The following PRKN variants were observed in gnomAD, a reference collection of about 807,000 sequenced individuals.
PRKN encodes parkin RBR E3 ubiquitin protein ligase, also known as E3 ubiquitin-protein ligase parkin.
Under a neutral mutation model 59.5 loss-of-function variants are expected in PRKN, and 56 were observed. That is an observed-to-expected ratio of 0.94 (90% CI 0.76 to 1.18). The LOEUF is 1.18. Among genes scored for constraint, PRKN ranks in the 50% most tolerant of loss-of-function variants. PRKN has a pLI of 0.00. For synonymous variants in PRKN, 250 were observed against 222.1 expected, an observed-to-expected ratio of 1.13 and a Z score of -1.12; for missense variants, 657 against 596.4, an observed-to-expected ratio of 1.10 and a Z score of -1.06.
At chr6:161,912,856 A>T (rs1278644886) in intron 6 of PRKN, among the ~76,000 whole-genome samples, 6 of 152,138 alleles carry the variant, frequency 3.9e-5, no homozygotes, top group African/African-American at 1.2e-4. Context: ...TCAGAATTTT[A>T]AAAAGTAATA....
chr6:161,382,111 C>CAAA lies in PRKN; in HGVS notation c.1167+4680_1167+4682dup, dbSNP rs59174358. Among the ~76,000 whole-genome samples the CAAA allele has an allele frequency of 1.1e-3, 53 of 46,242 alleles. 1 individual carries two copies. The highest frequency in any genetic ancestry group is 3.3e-3 in the African/African-American group (48 of 14,654). 30.3% of individuals were successfully genotyped at this position (46,242 alleles called of 152,430 possible). On this transcript the variant is annotated intron_variant, in intron 10 of 11. Transcript: ENST00000366898. ...TGGGTGAAAGAGCGAGACTCCATCT[C>CAAA]AAAAAAAAAAAAAAAAAAAAAATCA...
chr6:161,610,674 A>G (rs946348218), intron 7 of PRKN, among the ~76,000 whole-genome samples: 1 of 151,984 alleles, frequency 6.6e-6, no homozygotes, highest in Non-Finnish European at 1.5e-5. Context: ...AGGAGCAAAT[A>G]AACCAGGGAG....
At chr6:162,641,501 A>C (rs1375023014) in intron 1 of PRKN, among the ~76,000 whole-genome samples, 1 of 152,050 alleles carries the variant, frequency 6.6e-6, no homozygotes, top group African/African-American at 2.4e-5. Flanking sequence ...AAACAGAAGA[A>C]GGCACACAAG....
chr6:161,660,049 A>G (rs969199805), intron 7 of PRKN, among the ~76,000 whole-genome samples: 5 of 152,202 alleles, frequency 3.3e-5, no homozygotes, highest in African/African-American at 1.2e-4. Flanking sequence ...TAAGGTCTCA[A>G]AAAGCATTGT....
chr6:162,218,778 AT>A (rs1223567256), intron 3 of PRKN, among the ~76,000 whole-genome samples: 1 of 152,114 alleles, frequency 6.6e-6, no homozygotes, highest in Non-Finnish European at 1.5e-5. Context: ...GGGGTGGTAG[AT>A]AATGCACATG....
intron 7 of PRKN, among the ~76,000 whole-genome samples, chr6:161,665,850 C>T (rs1184827607): frequency 6.6e-6 from 1 of 152,168 alleles, no homozygotes; most frequent in Non-Finnish European, 1.5e-5. Context: ...TCAGCAGCCC[C>T]AAGGCATCCT....
intron 6 of PRKN, among the ~76,000 whole-genome samples, chr6:161,966,287 G>A (rs1282077231): frequency 6.6e-6 from 1 of 151,832 alleles, no homozygotes; most frequent in Non-Finnish European, 1.5e-5. Context: ...TCAGAGTTTA[G>A]TCCTCAATAT....
At chr6:162,412,000 T>C (rs975969738) in intron 2 of PRKN, among the ~76,000 whole-genome samples, 1 of 151,150 alleles carries the variant, frequency 6.6e-6, no homozygotes. Context: ...CCATAGTATT[T>C]CTTTGGTCAC....
rs180988693 is a variant in PRKN, at chr6:161,359,702, G to A, written c.1285+386C>T. 7.2e-5 allele frequency among the ~76,000 whole-genome samples: 11 copies of A among 152,232 alleles called. No individual in the cohort carries two copies. The highest frequency in any genetic ancestry group is 1.3e-4 in the Admixed American group (2 of 15,286). On this transcript the variant is annotated intron_variant, in intron 11 of 11. Coordinates refer to ENST00000366898, the MANE Select transcript of PRKN (RefSeq NM_004562.3). This position sits in a 1 kb window ranked among gnomAD's most constrained non-coding sequence, Gnocchi z 5.4. ...AAGCTGGGGAAGGCTACAGACTGAC[G>A]GCCGGCAGACAACAGGGTCATACGG...
chr6:161,519,338 T>G (rs972583688), intron 9 of PRKN, among the ~76,000 whole-genome samples: 1 of 152,168 alleles, frequency 6.6e-6, no homozygotes, highest in African/African-American at 2.4e-5. Context: ...TTGCTCTGAA[T>G]GAGGAGACAG....
chr6:161,774,768 G>C (rs957189676), intron 7 of PRKN, among the ~76,000 whole-genome samples: 12 of 152,204 alleles, frequency 7.9e-5, no homozygotes, highest in African/African-American at 2.9e-4. Flanking sequence ...GCTTTGGTTA[G>C]AGAAGTTAGA....
chr6:162,283,127 A>C (rs1405567594), intron 2 of PRKN, among the ~76,000 whole-genome samples: 5 of 151,892 alleles, frequency 3.3e-5, no homozygotes, highest in African/African-American at 9.7e-5. Context: ...GTTAGTTGTA[A>C]CTTCTTTCTG....
At position 161,498,997 on chromosome 6, in the gene PRKN, T is replaced by C. The variant is rs1777855882; in HGVS notation, c.1083+49857A>G. On this transcript the variant is annotated intron_variant, in intron 9 of 11. Coordinates refer to ENST00000366898, the MANE Select transcript of PRKN (RefSeq NM_004562.3). This position sits in a 1 kb window ranked among gnomAD's most constrained non-coding sequence, Gnocchi z 4.2. ...TCTTCTACTGAAGCCCCCGATGCTT[T>C]GCAACCTCCGCACATTTCTCAGAAC... Among the ~76,000 whole-genome samples the C allele has an allele frequency of 6.6e-6, 1 of 152,172 alleles. No homozygotes were observed. The highest frequency in any genetic ancestry group is 1.9e-4 in the East Asian group (1 of 5,184).
At chr6:162,201,398 G>T in intron 3 of PRKN, 146 bp from the exon 4 acceptor site, 1 of 734,930 alleles carries the variant, frequency 1.4e-6, no homozygotes, top group Non-Finnish European at 2.4e-6. Flanking sequence ...ATTCCAATGG[G>T]AATACAACAA....
intron 2 of PRKN, among the ~76,000 whole-genome samples, chr6:162,441,796 A>T (rs929357990): frequency 6.6e-6 from 1 of 152,208 alleles, no homozygotes; most frequent in Non-Finnish European, 1.5e-5. Context: ...TATGTTTGCA[A>T]AGTCAATCAT....
At chr6:161,784,668 C>A (rs540622682) in intron 7 of PRKN, among the ~76,000 whole-genome samples, 1 of 152,164 alleles carries the variant, frequency 6.6e-6, no homozygotes, top group Admixed American at 6.5e-5. Context: ...CATTGCTACA[C>A]TGCTGGTGGC....
intron 2 of PRKN, among the ~76,000 whole-genome samples, chr6:162,287,960 T>C (rs1317189368): frequency 6.6e-6 from 1 of 152,142 alleles, no homozygotes; most frequent in Non-Finnish European, 1.5e-5. Flanking sequence ...TGGGGTGGGC[T>C]TGGGGCTCCA....
intron 7 of PRKN, among the ~76,000 whole-genome samples, chr6:161,685,449 G>A (rs1785518619): frequency 6.6e-6 from 1 of 152,184 alleles, no homozygotes; most frequent in Non-Finnish European, 1.5e-5. Flanking sequence ...TATTAGTAAT[G>A]ACCCACTGGC....
At chr6:162,224,278 G>A (rs1778069294) in intron 3 of PRKN, among the ~76,000 whole-genome samples, 1 of 152,026 alleles carries the variant, frequency 6.6e-6, no homozygotes, top group Admixed American at 6.6e-5. Flanking sequence ...TATTTTTACT[G>A]TACTTTTTCT....
Sources: gnomAD v4.1 joint callset for allele counts (sites outside exome capture counted in the v4.1 genomes callset) on GRCh38, gnomAD v4.1.1 for gene constraint, Gnocchi (gnomAD v3.1) non-coding constraint, MANE v1.5 for transcripts, NCBI Gene and HGNC (gene_info 2026-07-23, HGNC 2026-07-21) for gene names.